Variants in RNF220 observed in about 807,000 individuals in gnomAD.
RNF220 encodes ring finger protein 220.
A neutral mutation model predicts 67.1 loss-of-function variants in RNF220; 7 were observed. That is an observed-to-expected ratio of 0.10 (90% CI 0.06 to 0.20). The LOEUF (loss-of-function observed/expected upper bound fraction) is 0.20, where lower values mean the gene tolerates loss of function less well. Among genes scored for constraint, RNF220 ranks in the 10% least tolerant of loss-of-function variants. The probability of loss-of-function intolerance (pLI) is 1.00; values close to 1 mark genes in which losing one functional copy is unlikely to be tolerated. For missense variants in RNF220, 565 were observed against 740.3 expected, an observed-to-expected ratio of 0.76 and a Z score of 2.75; for synonymous variants, 270 against 283.2, an observed-to-expected ratio of 0.95 and a Z score of 0.47.
At chr1:44,503,283 G>C (rs748460469) in intron 2 of RNF220, among the ~76,000 whole-genome samples, 7 of 145,998 alleles carry the variant, frequency 4.8e-5, no homozygotes, top group Non-Finnish European at 8.9e-5. Flanking sequence ...GCAGTGAACC[G>C]AGATTGCGCT....
At chr1:44,585,479 G>A (rs572081684) in intron 2 of RNF220, among the ~76,000 whole-genome samples, 26 of 152,302 alleles carry the variant, frequency 1.7e-4, no homozygotes, top group African/African-American at 5.8e-4. Flanking sequence ...CGTTAACCAT[G>A]GCTGTTCTAC....
intron 2 of RNF220, among the ~76,000 whole-genome samples, chr1:44,509,010 C>T (rs912272595): frequency 6.6e-6 from 1 of 152,152 alleles, no homozygotes; most frequent in Non-Finnish European, 1.5e-5. Flanking sequence ...TTGTCCATCC[C>T]ACCCAGAGAT....
At chr1:44,440,782 A>G (rs1408913162) in intron 2 of RNF220, among the ~76,000 whole-genome samples, 3 of 152,220 alleles carry the variant, frequency 2.0e-5, no homozygotes, top group African/African-American at 7.2e-5. Context: ...CTGTTGAGGC[A>G]GTATTAATCA....
chr1:44,510,973 A>G (rs192134318), intron 2 of RNF220, among the ~76,000 whole-genome samples: 84 of 152,334 alleles, frequency 5.5e-4, no homozygotes, highest in Admixed American at 2.0e-3. Flanking sequence ...CCCAAAATGG[A>G]GGCCAGTTGG....
Position 44,622,797 on chromosome 1 carries a change from C to T in RNF220, c.804+10C>T, listed in dbSNP as rs1178812207. The T allele has an allele frequency of 7.4e-6, 12 of 1,613,056 alleles. No homozygotes were observed. The highest frequency in any genetic ancestry group is 1.0e-5 in the Non-Finnish European group (12 of 1,179,170). The stretch of plus-strand genomic sequence containing the variant: ...TCCAGGCACCCCAAAGGTAGGTGGC[C>T]AATTACATGTTTTCCTCCTGCCCAT... On this transcript the variant is annotated intron_variant, in intron 4 of 14. Coordinates refer to ENST00000361799, the MANE Select transcript of RNF220 (RefSeq NM_018150.4). This position sits in a 1 kb window ranked among gnomAD's most constrained non-coding sequence, Gnocchi z 4.3.
chr1:44,471,772 C>T (rs536087042), intron 2 of RNF220, among the ~76,000 whole-genome samples: 12 of 152,052 alleles, frequency 7.9e-5, no homozygotes, highest in African/African-American at 2.9e-4. Flanking sequence ...TGCGGTGAGC[C>T]GAGATCGCAC....
chr1:44,408,356 C>A (rs1251233840), intron 1 of RNF220, among the ~76,000 whole-genome samples: 1 of 152,240 alleles, frequency 6.6e-6, no homozygotes, highest in Non-Finnish European at 1.5e-5. Context: ...GCCTGAAACA[C>A]AGGCGTCGGC....
intron 2 of RNF220, among the ~76,000 whole-genome samples, chr1:44,424,776 C>T (rs1649582599): frequency 6.6e-6 from 1 of 152,212 alleles, no homozygotes. Context: ...CAGACCTCCC[C>T]TTCTTGGTGC....
At chr1:44,423,941 G>C in intron 2 of RNF220, 1 of 985,418 alleles carries the variant, frequency 1.0e-6, no homozygotes. Context: ...GCTAAAAACA[G>C]TTCCTTCCAG....
chr1:44,516,820 C>T (rs1203729144), intron 2 of RNF220, among the ~76,000 whole-genome samples: 1 of 152,152 alleles, frequency 6.6e-6, no homozygotes, highest in East Asian at 1.9e-4. Context: ...CTCCTGTCCC[C>T]ATTCTCATGC....
intron 5 of RNF220, chr1:44,632,089 G>C: frequency 1.6e-6 from 2 of 1,280,566 alleles, no homozygotes; most frequent in Non-Finnish European, 2.0e-6. Flanking sequence ...CAGAGCGCCG[G>C]AGGCCAGGGC....
In RNF220 at chr1:44,412,854, G is replaced by A. The variant is rs756568915; in HGVS notation, c.625+132G>A. ...AACTACTTCCCTTTCACTAGCTGTGGAGTGCTAACCTTTGCTTGTCTCTTA... is the reference window on the plus strand; with the variant it reads ...AACTACTTCCCTTTCACTAGCTGTGAAGTGCTAACCTTTGCTTGTCTCTTA... On this transcript the variant is annotated intron_variant, in intron 2 of 14. Transcript: ENST00000361799. The surrounding 1 kb of genome is among the most constrained non-coding windows in gnomAD (Gnocchi z 5.3). 33 of 1,022,484 alleles carry A rather than the reference G, an allele frequency of 3.2e-5. No homozygotes were observed. The highest frequency in any genetic ancestry group is 4.3e-5 in the Non-Finnish European group (30 of 693,038). 63.3% of individuals were successfully genotyped at this position (1,022,484 alleles called of 1,614,324 possible). A position where few individuals can be genotyped will look rare whatever the true frequency, so the allele number is the denominator to read the frequency against.
intron 2 of RNF220, among the ~76,000 whole-genome samples, chr1:44,570,012 G>A (rs116315216): frequency 7.9e-4 from 120 of 152,320 alleles, no homozygotes; most frequent in Non-Finnish European, 1.5e-3. Context: ...CCTAGAGACA[G>A]GTGCCAGAGA....
intron 2 of RNF220, among the ~76,000 whole-genome samples, chr1:44,530,576 A>T (rs1371219339): frequency 6.6e-6 from 1 of 152,026 alleles, no homozygotes; most frequent in African/African-American, 2.4e-5. Context: ...CTCTCTTAAA[A>T]GTCTCTACAC....
At chr1:44,549,986 A>G (rs1019510817) in intron 2 of RNF220, among the ~76,000 whole-genome samples, 16 of 152,222 alleles carry the variant, frequency 1.1e-4, no homozygotes, top group African/African-American at 3.9e-4. Flanking sequence ...CCAAGCCACC[A>G]GAGAAGCCCT....
intron 5 of RNF220, chr1:44,631,949 G>A (rs921209009): frequency 5.0e-4 from 498 of 990,596 alleles, no homozygotes; most frequent in Middle Eastern, 2.0e-3. Context: ...AGCGCGCGAC[G>A]GCGGCAGATC....
chr1:44,539,819 C>T (rs1359990103), intron 2 of RNF220, among the ~76,000 whole-genome samples: 1 of 152,196 alleles, frequency 6.6e-6, no homozygotes, highest in Admixed American at 6.5e-5. Context: ...GTACCTCTCC[C>T]CCAATCTATG....
At chr1:44,596,044 G>A (rs1049950018) in intron 2 of RNF220, among the ~76,000 whole-genome samples, 3 of 152,324 alleles carry the variant, frequency 2.0e-5, no homozygotes, top group East Asian at 1.9e-4. Flanking sequence ...GATTACGGGC[G>A]TGCGCCGCCA....
In RNF220 at chr1:44,599,388, T is replaced by C. The variant is rs1411794736; in HGVS notation, c.626-14777T>C. On this transcript the variant is annotated intron_variant, in intron 2 of 14. Coordinates refer to ENST00000361799, the MANE Select transcript of RNF220 (RefSeq NM_018150.4). ...TCTGAGTGTGGTCTTCAAGAATAAA[T>C]AGGGTCAGGCGCGGTGGCTCACATC... 2.0e-5 allele frequency among the ~76,000 whole-genome samples: 3 copies of C among 152,110 alleles called. No individual in the cohort carries two copies. The East Asian group carries it at 5.8e-4, about 29-fold the overall frequency.
Sources: allele counts gnomAD v4.1 joint callset (sites outside exome capture counted in the v4.1 genomes callset), GRCh38; gene constraint gnomAD v4.1.1; non-coding constraint Gnocchi (gnomAD v3.1); transcripts MANE v1.5; gene names NCBI Gene and HGNC (gene_info 2026-07-23, HGNC 2026-07-21).